The following SCFD2 variants were observed in gnomAD, a reference collection of about 807,000 sequenced individuals.
SCFD2 encodes the protein sec1 family domain containing 2.
A neutral mutation model predicts 58.9 loss-of-function variants in SCFD2; 54 were observed. The ratio of observed to expected loss-of-function variants is 0.92; its 90% CI spans 0.74 to 1.15. SCFD2 has a LOEUF of 1.15. Ranked by LOEUF, SCFD2 falls within the 50% of genes most tolerant of loss-of-function variation. The probability of loss-of-function intolerance (pLI) is 0.00; values close to 1 mark genes in which losing one functional copy is unlikely to be tolerated. For synonymous variants in SCFD2, 321 were observed against 335.9 expected (o/e 0.96, Z 0.49); for missense variants, 805 against 836.6 (o/e 0.96, Z 0.47).
intron 5 of SCFD2, among the ~76,000 whole-genome samples, chr4:52,998,068 T>G (rs1366234463): frequency 6.6e-6 from 1 of 152,162 alleles, no homozygotes; most frequent in African/African-American, 2.4e-5. Flanking sequence ...TTACAGATGG[T>G]TAAGTTAGGA....
intron 5 of SCFD2, chr4:52,948,826 G>T: frequency 4.3e-6 from 1 of 231,104 alleles, no homozygotes; most frequent in Non-Finnish European, 8.8e-6. Flanking sequence ...TCTATTTCCA[G>T]GGTTGTAATG....
intron 5 of SCFD2, chr4:52,956,396 G>C (rs548222165): frequency 2.7e-6 from 1 of 369,432 alleles, no homozygotes; most frequent in South Asian, 2.0e-5. Context: ...ATTATCTTAA[G>C]GAAAAGAGGA....
At chr4:53,238,197 C>A (rs1236725138) in intron 4 of SCFD2, among the ~76,000 whole-genome samples, 8 of 142,448 alleles carry the variant, frequency 5.6e-5, no homozygotes, top group East Asian at 4.7e-4. Flanking sequence ...CCCCACCTCC[C>A]TCCCGGACGG....
In SCFD2 at chr4:53,273,973, G is replaced by C; in HGVS notation, c.1164C>G (p.Ser388=). The change falls in exon 4 of 9, where the codon TCC becomes TCG. Residue 388 remains serine (S), a synonymous_variant. Coordinates refer to ENST00000401642, the MANE Select transcript of SCFD2 (RefSeq NM_152540.4). ...MGRVTPGQLM[S]YIQLFKNNLK... Reference sequence around the variant, plus strand: ...GGTTGTTCTTGAAGAGCTGAATATAGGACATGAGCTGTCCCGGTGTGACTC... The same window carrying C: ...GGTTGTTCTTGAAGAGCTGAATATACGACATGAGCTGTCCCGGTGTGACTC... 6.2e-7 allele frequency: 1 copy of C among 1,612,378 alleles called. No individual in the cohort carries two copies.
chr4:53,068,726 TTAACCAATGTCTCC>T (rs373516580), intron 5 of SCFD2, among the ~76,000 whole-genome samples: 1 of 152,192 alleles, frequency 6.6e-6, no homozygotes, highest in African/African-American at 2.4e-5. Context: ...CATACTTTAT[TTAACCAATGTCTCC>T]TAGCTTTGGA....
intron 5 of SCFD2, among the ~76,000 whole-genome samples, chr4:52,936,247 T>C (rs756216707): frequency 6.6e-6 from 1 of 152,096 alleles, no homozygotes; most frequent in Admixed American, 6.6e-5. Flanking sequence ...GGATTAACTT[T>C]CCCTAAATAA....
chr4:52,911,986 T>C (rs1719497583), intron 6 of SCFD2, among the ~76,000 whole-genome samples: 1 of 152,120 alleles, frequency 6.6e-6, no homozygotes, highest in Non-Finnish European at 1.5e-5. Context: ...CTCTCACCAC[T>C]TGAAGCTGCC....
intron 5 of SCFD2, among the ~76,000 whole-genome samples, chr4:52,972,990 C>T (rs544530671): frequency 2.6e-5 from 4 of 152,238 alleles, no homozygotes; most frequent in Non-Finnish European, 5.9e-5. Flanking sequence ...ACACAACATA[C>T]CGGAATCTCT....
intron 4 of SCFD2, among the ~76,000 whole-genome samples, chr4:53,225,581 A>C (rs965368829): frequency 6.6e-6 from 1 of 152,212 alleles, no homozygotes; most frequent in African/African-American, 2.4e-5. Flanking sequence ...AAATTTTTAG[A>C]GCTAATAATA....
intron 4 of SCFD2, among the ~76,000 whole-genome samples, chr4:53,168,707 G>A (rs892872475): frequency 1.3e-5 from 2 of 152,108 alleles, no homozygotes; most frequent in Non-Finnish European, 2.9e-5. Context: ...AATCAAGTTA[G>A]CTAACATATT....
intron 5 of SCFD2, among the ~76,000 whole-genome samples, chr4:53,061,496 T>C (rs1198317120): frequency 6.6e-6 from 1 of 152,162 alleles, no homozygotes; most frequent in African/African-American, 2.4e-5. Context: ...TTAGGAATCT[T>C]CCTCTCTTAC....
chr4:52,879,023 T>A (rs1421262988), intron 8 of SCFD2, among the ~76,000 whole-genome samples: 1 of 152,144 alleles, frequency 6.6e-6, no homozygotes, highest in Non-Finnish European at 1.5e-5. Context: ...TTGGGGGTTG[T>A]TTTTGTTCTT....
At chr4:53,329,581 A>G (rs1375636904) in intron 2 of SCFD2, among the ~76,000 whole-genome samples, 5 of 151,714 alleles carry the variant, frequency 3.3e-5, no homozygotes, top group East Asian at 1.9e-4. Flanking sequence ...CATCCACACC[A>G]AAAACCCATC....
chr4:53,365,151 G>A lies in SCFD2; in HGVS notation c.791C>T (p.Ala264Val). Residue 264 changes from alanine to valine, a missense_variant, in exon 1 of 9, where the codon GCA becomes GTA. By Grantham distance (64) the Ala-to-Val change is moderately conservative (BLOSUM62 0). This residue lies in a region of SCFD2 where 633 missense variants were observed against 646.8 expected (regional missense o/e 0.98). Coordinates refer to ENST00000401642, the MANE Select transcript of SCFD2 (RefSeq NM_152540.4). The surrounding 1 kb of genome is among the most constrained non-coding windows in gnomAD (Gnocchi z 4.3). ...CACAAAAACCACTGATGCCCTGCCT[G>A]CAGCAGTCTTCTTCCTGTTCTTTGC... Reference protein sequence around the residue: ...APAKNRKKTAAGRASVVFVDR... With the variant: ...APAKNRKKTAVGRASVVFVDR... 1.2e-6 allele frequency: 2 copies of A among 1,614,242 alleles called. No individual in the cohort carries two copies. The highest frequency in any genetic ancestry group is 1.7e-6 in the Non-Finnish European group (2 of 1,180,034).
intron 5 of SCFD2, among the ~76,000 whole-genome samples, chr4:53,087,850 G>A (rs1479638323): frequency 6.6e-6 from 1 of 151,154 alleles, no homozygotes; most frequent in Non-Finnish European, 1.5e-5. Flanking sequence ...TAATAGAGAT[G>A]GGGTTTCACC....
chr4:52,883,147 G>A (rs554110898), intron 8 of SCFD2, among the ~76,000 whole-genome samples: 6 of 152,288 alleles, frequency 3.9e-5, no homozygotes, highest in Non-Finnish European at 8.8e-5. Flanking sequence ...ATCCCACTTC[G>A]TGTGTTGCTA....
At chr4:53,267,422 C>T (rs980943050) in intron 4 of SCFD2, among the ~76,000 whole-genome samples, 3 of 152,098 alleles carry the variant, frequency 2.0e-5, no homozygotes, top group Admixed American at 1.3e-4. Flanking sequence ...AAGAGCATTC[C>T]GATGATCAGT....
intron 4 of SCFD2, among the ~76,000 whole-genome samples, chr4:53,184,873 C>T (rs1469071666): frequency 6.6e-6 from 1 of 152,224 alleles, no homozygotes; most frequent in South Asian, 2.1e-4. Context: ...TTTCTACCAG[C>T]TACAAGAGAT....
At chr4:52,941,579 G>A (rs564846559) in intron 5 of SCFD2, among the ~76,000 whole-genome samples, 8 of 152,330 alleles carry the variant, frequency 5.3e-5, no homozygotes, top group East Asian at 1.9e-4. Flanking sequence ...ATTGGACAGC[G>A]AGTATTGGGA....
Sources: gnomAD v4.1 joint callset for allele counts (sites outside exome capture counted in the v4.1 genomes callset) on GRCh38, gnomAD v4.1.1 for gene constraint, gnomAD v4.1.1 regional missense constraint, Gnocchi (gnomAD v3.1) non-coding constraint, MANE v1.5 for transcripts, NCBI Gene and HGNC (gene_info 2026-07-23, HGNC 2026-07-21) for gene names.